The following CMIP variants were observed in gnomAD, a reference collection of about 807,000 sequenced individuals.
CMIP encodes the protein C-Maf-inducing protein.
In CMIP, 13 loss-of-function variants were observed where a neutral mutation model predicts 97.3. The ratio of observed to expected loss-of-function variants is 0.13; its 90% CI spans 0.09 to 0.21. The LOEUF is 0.21. Among genes scored for constraint, CMIP ranks in the 10% least tolerant of loss-of-function variants. The pLI is 1.00. For synonymous variants in CMIP, 538 were observed against 436.3 expected, an observed-to-expected ratio of 1.23 and a Z score of -2.91; for missense variants, 847 against 1,024.9, an observed-to-expected ratio of 0.83 and a Z score of 2.37.
chr16:81,696,470 G>A (rs1906729703), intron 13 of CMIP, 90 bp from the exon 14 acceptor site: 4 of 1,317,994 alleles, frequency 3.0e-6, no homozygotes, highest in Non-Finnish European at 4.2e-6. Flanking sequence ...GGACTTGCCT[G>A]AGCCTTTCCC....
chr16:81,696,428 G>A (rs953379074), intron 13 of CMIP, 132 bp from the exon 14 acceptor site: 6 of 869,938 alleles, frequency 6.9e-6, no homozygotes, highest in African/African-American at 5.0e-5. Flanking sequence ...GGTTGCTGGA[G>A]GAAACAAAGT....
chr16:81,584,902 C>G (rs1253079251), intron 1 of CMIP, among the ~76,000 whole-genome samples: 1 of 152,346 alleles, frequency 6.6e-6, no homozygotes, highest in South Asian at 2.1e-4. Flanking sequence ...CCCAACTGTT[C>G]AGACCCCTGT....
intron 1 of CMIP, among the ~76,000 whole-genome samples, chr16:81,544,783 G>A (rs777699480): frequency 2.6e-5 from 4 of 151,888 alleles, no homozygotes; most frequent in South Asian, 2.1e-4. Context: ...GTGTGTGCAC[G>A]TGTGTGTGGA....
At chr16:81,686,141 A>T (rs1483443651) in intron 10 of CMIP, among the ~76,000 whole-genome samples, 1 of 152,206 alleles carries the variant, frequency 6.6e-6, no homozygotes, top group East Asian at 1.9e-4. Flanking sequence ...CTTGGAGAGC[A>T]CCTGGCACGC....
At chr16:81,688,429 A>C (rs144393539) in intron 10 of CMIP, among the ~76,000 whole-genome samples, 376 of 152,338 alleles carry the variant, frequency 2.5e-3, no homozygotes, top group Middle Eastern at 0.01. Flanking sequence ...CTGCTGTCAC[A>C]GAAGCCTGGA....
chr16:81,657,840 C>T (rs1286517859), intron 5 of CMIP, 24 bp downstream of exon 5: 2 of 1,581,250 alleles, frequency 1.3e-6, no homozygotes, highest in Middle Eastern at 3.3e-4. Flanking sequence ...GAACACGCTC[C>T]CTCCACCCAC....
intron 1 of CMIP, among the ~76,000 whole-genome samples, chr16:81,483,253 T>C (rs2966086): frequency 0.81 from 123,559 of 152,036 alleles, 50,886 homozygotes; most frequent in African/African-American, 0.95. Context: ...GCAAAGGCCA[T>C]GGGGCAGCGG....
intron 1 of CMIP, among the ~76,000 whole-genome samples, chr16:81,489,482 C>A (rs2089372111): frequency 6.6e-6 from 1 of 152,210 alleles, no homozygotes; most frequent in Admixed American, 6.5e-5. Flanking sequence ...GAGAGACCAG[C>A]AGGAGAGGTC....
intron 1 of CMIP, among the ~76,000 whole-genome samples, chr16:81,482,918 C>T (rs2150758123): frequency 1.3e-5 from 2 of 152,358 alleles, no homozygotes; most frequent in Middle Eastern, 6.8e-3. Context: ...GCTTGCTCGT[C>T]CGTTCAGCAG....
chr16:81,565,668 AGCGG>A (rs2090967165), intron 1 of CMIP, among the ~76,000 whole-genome samples: 1 of 152,158 alleles, frequency 6.6e-6, no homozygotes, highest in African/African-American at 2.4e-5. Flanking sequence ...TCCTCATGGC[AGCGG>A]GGCAGGGGAG....
intron 1 of CMIP, among the ~76,000 whole-genome samples, chr16:81,584,201 G>A (rs960548841): frequency 1.3e-5 from 2 of 152,156 alleles, no homozygotes; most frequent in African/African-American, 4.8e-5. Context: ...GGTGGGTTCA[G>A]CTTGCATTGC....
chr16:81,631,193 G>A (rs1026221782), intron 3 of CMIP: 1 of 152,330 alleles, frequency 6.6e-6, no homozygotes, highest in African/African-American at 2.4e-5. Flanking sequence ...CACCTACTAG[G>A]GTCGGGAGCT....
At chr16:81,551,542 G>C (rs2090659017) in intron 1 of CMIP, among the ~76,000 whole-genome samples, 1 of 152,334 alleles carries the variant, frequency 6.6e-6, no homozygotes, top group African/African-American at 2.4e-5. Flanking sequence ...TCAGTGTGTG[G>C]CTGTAGGTGG....
At chr16:81,668,103 G>T (rs2092630349) in intron 7 of CMIP, among the ~76,000 whole-genome samples, 1 of 152,048 alleles carries the variant, frequency 6.6e-6, no homozygotes, top group Non-Finnish European at 1.5e-5. Context: ...GACCTGAGGG[G>T]GGTCTCTATT....
intron 1 of CMIP, among the ~76,000 whole-genome samples, chr16:81,462,712 T>C (rs1597450645): frequency 1.3e-5 from 2 of 152,282 alleles, no homozygotes; most frequent in Middle Eastern, 3.4e-3. Flanking sequence ...AAAATGTTTG[T>C]TTTAAGATTT....
chr16:81,486,892 C>G (rs2089322554), intron 1 of CMIP, among the ~76,000 whole-genome samples: 1 of 152,274 alleles, frequency 6.6e-6, no homozygotes, highest in South Asian at 2.1e-4. Context: ...CAAACTGGAG[C>G]TCTGACCTCA....
At position 81,604,146 on chromosome 16, in the gene CMIP, C is replaced by G. The variant is rs1342896510; in HGVS notation, c.301-3421C>G. On this transcript the variant is annotated intron_variant, in intron 1 of 20. Coordinates refer to ENST00000537098, the MANE Select transcript of CMIP (RefSeq NM_198390.3). ...TGGTGGCTCACGCCTGTAATCCCAG[C>G]ACTTTGGGAGGCCGAGGCAGGAGGA... Among the ~76,000 whole-genome samples, 2 of 152,324 alleles carry G rather than the reference C, an allele frequency of 1.3e-5. 1 individual carries two copies. The highest frequency in any genetic ancestry group is 4.1e-4 in the South Asian group (2 of 4,828).
At chr16:81,590,458 C>T (rs903554612) in intron 1 of CMIP, among the ~76,000 whole-genome samples, 2 of 152,186 alleles carry the variant, frequency 1.3e-5, no homozygotes, top group Non-Finnish European at 2.9e-5. Context: ...ACTTCTGGAT[C>T]ATGTCCAGCA....
chr16:81,452,144 AT>A (rs549072000), intron 1 of CMIP, among the ~76,000 whole-genome samples: 212 of 152,260 alleles, frequency 1.4e-3, no homozygotes, highest in Middle Eastern at 3.4e-3. Context: ...TCGTCCTGGC[AT>A]TTGGGGTGTG....
Sources: allele counts gnomAD v4.1 joint callset (sites outside exome capture counted in the v4.1 genomes callset), GRCh38; gene constraint gnomAD v4.1.1; transcripts MANE v1.5; gene names NCBI Gene and HGNC (gene_info 2026-07-23, HGNC 2026-07-21).